DPP10: variants seen among roughly 807,000 people sequenced by gnomAD.
DPP10 encodes the protein dipeptidyl peptidase like 10, also known as inactive dipeptidyl peptidase 10.
DPP10 carries 33 observed loss-of-function variants against 120.9 expected under a neutral mutation model. The ratio of observed to expected loss-of-function variants is 0.27; its 90% CI spans 0.21 to 0.37. The LOEUF is 0.37. Among genes scored for constraint, DPP10 ranks in the 10% least tolerant of loss-of-function variants. The pLI, the probability that DPP10 is intolerant of heterozygous loss-of-function variation, is 1.00. For synonymous variants in DPP10, 337 were observed against 326.1 expected, an observed-to-expected ratio of 1.03 and a Z score of -0.36; for missense variants, 816 against 942.8, an observed-to-expected ratio of 0.87 and a Z score of 1.76.
intron 1 of DPP10, among the ~76,000 whole-genome samples, chr2:114,952,726 TACAC>T (rs1697888498): frequency 1.3e-5 from 2 of 152,084 alleles, no homozygotes; most frequent in African/African-American, 4.8e-5. Context: ...ATGGAAAAAA[TACAC>T]ACAAGATATA....
At chr2:115,621,813 G>A (rs1421872066) in intron 5 of DPP10, among the ~76,000 whole-genome samples, 1 of 152,072 alleles carries the variant, frequency 6.6e-6, no homozygotes, top group East Asian at 1.9e-4. Context: ...AAGTAGCTGG[G>A]ATTACAGGTG....
chr2:114,719,099 G>A (rs1701540145), intron 1 of DPP10, among the ~76,000 whole-genome samples: 1 of 152,144 alleles, frequency 6.6e-6, no homozygotes, highest in Non-Finnish European at 1.5e-5. Context: ...TCCCATGTTT[G>A]CCTGATTCAA....
At chr2:114,505,051 CAAA>C (rs3061538) in intron 1 of DPP10, among the ~76,000 whole-genome samples, 4,989 of 44,190 alleles carry the variant, frequency 0.11, 62 homozygotes, top group African/African-American at 0.21. Context: ...GACTCTGTCT[CAAA>C]AAAAAAAAAA....
intron 1 of DPP10, among the ~76,000 whole-genome samples, chr2:115,021,966 A>G (rs1222357675): frequency 6.6e-6 from 1 of 152,116 alleles, no homozygotes; most frequent in Non-Finnish European, 1.5e-5. Context: ...GCATCCACTT[A>G]TGATTAAAAC....
chr2:115,465,202 ACT>A (rs2074246223), intron 3 of DPP10, among the ~76,000 whole-genome samples: 1 of 152,174 alleles, frequency 6.6e-6, no homozygotes, highest in Non-Finnish European at 1.5e-5. Flanking sequence ...AGTAATACAC[ACT>A]CATAAATTCA....
rs543621694 is a variant in DPP10, at chr2:115,392,891, C to T, written c.271+48979C>T. Among the ~76,000 whole-genome samples, 227 of 152,132 alleles carry T rather than the reference C, an allele frequency of 1.5e-3. 1 individual carries two copies. Among genetic ancestry groups the T allele is most frequent in the South Asian group, 8.3e-3 (40 of 4,812 alleles). ...TTCCTTCAGTTTTATTTGAAAGAATCCATTACCTTCAAAATAGTCATATTA... is the reference window on the plus strand; with the variant it reads ...TTCCTTCAGTTTTATTTGAAAGAATTCATTACCTTCAAAATAGTCATATTA... On this transcript the variant is annotated intron_variant, in intron 3 of 25. Coordinates refer to ENST00000410059, the MANE Select transcript of DPP10 (RefSeq NM_020868.6).
intron 1 of DPP10, among the ~76,000 whole-genome samples, chr2:115,147,129 T>C (rs1301946197): frequency 2.0e-5 from 3 of 151,582 alleles, no homozygotes; most frequent in African/African-American, 7.3e-5. Context: ...ACTGAATATA[T>C]TTGCATATTT....
intron 4 of DPP10, among the ~76,000 whole-genome samples, chr2:115,524,521 A>G (rs1271334974): frequency 6.6e-6 from 1 of 152,070 alleles, no homozygotes; most frequent in Non-Finnish European, 1.5e-5. Flanking sequence ...TGGTTCCCTC[A>G]ACCCTTATCA....
intron 1 of DPP10, among the ~76,000 whole-genome samples, chr2:114,682,149 G>A (rs940696590): frequency 3.3e-5 from 5 of 151,906 alleles, no homozygotes; most frequent in African/African-American, 1.2e-4. Context: ...GATTGGTGCT[G>A]TCTCTGTCTC....
intron 1 of DPP10, among the ~76,000 whole-genome samples, chr2:114,447,683 T>C (rs774059082): frequency 1.9e-4 from 29 of 152,224 alleles, no homozygotes; most frequent in Non-Finnish European, 2.9e-4. Context: ...TCATACACAC[T>C]AAAGAAAGAG....
chr2:114,648,930 CT>C (rs1696355386), intron 1 of DPP10, among the ~76,000 whole-genome samples: 1 of 152,292 alleles, frequency 6.6e-6, no homozygotes, highest in Middle Eastern at 3.4e-3. Flanking sequence ...CCAATCCTTT[CT>C]GTAATTCCTC....
At chr2:115,141,555 A>C (rs1021096916) in intron 1 of DPP10, among the ~76,000 whole-genome samples, 1 of 152,196 alleles carries the variant, frequency 6.6e-6, no homozygotes. Flanking sequence ...CTGTCTCCAA[A>C]TATTTTGGTA....
At chr2:114,963,449 G>T (rs1304149117) in intron 1 of DPP10, among the ~76,000 whole-genome samples, 1 of 152,148 alleles carries the variant, frequency 6.6e-6, no homozygotes, top group Non-Finnish European at 1.5e-5. Flanking sequence ...CATCGATTCG[G>T]TAGTTAGACT....
intron 1 of DPP10, among the ~76,000 whole-genome samples, chr2:115,215,433 G>A (rs990250191): frequency 6.6e-6 from 1 of 152,120 alleles, no homozygotes; most frequent in African/African-American, 2.4e-5. Context: ...AATACTTTAA[G>A]TTTTAAAGTT....
intron 1 of DPP10, among the ~76,000 whole-genome samples, chr2:114,558,175 G>GT (rs1345664002): frequency 1.3e-5 from 2 of 152,184 alleles, no homozygotes; most frequent in African/African-American, 2.4e-5. Flanking sequence ...TGAAGACAGA[G>GT]TGCCCGGGCG....
chr2:114,454,291 A>T (rs537482718), intron 1 of DPP10, among the ~76,000 whole-genome samples: 82 of 152,316 alleles, frequency 5.4e-4, no homozygotes, highest in Admixed American at 5.2e-4. Context: ...ACCATTGTTA[A>T]GTGCCCAAAC....
At chr2:115,594,299 A>G (rs2082860039) in intron 5 of DPP10, among the ~76,000 whole-genome samples, 1 of 152,222 alleles carries the variant, frequency 6.6e-6, no homozygotes, top group African/African-American at 2.4e-5. Flanking sequence ...AAGAATACTT[A>G]CAAATAATTT....
At chr2:115,831,714 T>C (rs1349843619) in intron 21 of DPP10, among the ~76,000 whole-genome samples, 2 of 152,248 alleles carry the variant, frequency 1.3e-5, no homozygotes, top group African/African-American at 4.8e-5. Context: ...TTTAGTTTCC[T>C]ACATCATGAG....
chr2:115,549,726 G>T (rs758866799), intron 5 of DPP10, among the ~76,000 whole-genome samples: 17 of 152,036 alleles, frequency 1.1e-4, no homozygotes, highest in Non-Finnish European at 1.5e-5. Context: ...CCAGTCACTG[G>T]CTTAAAATCA....
Sources: gnomAD v4.1 joint callset for allele counts (sites outside exome capture counted in the v4.1 genomes callset) on GRCh38, gnomAD v4.1.1 for gene constraint, MANE v1.5 for transcripts, NCBI Gene and HGNC (gene_info 2026-07-23, HGNC 2026-07-21) for gene names.